The following DIAPH3 variants were observed in gnomAD, a reference collection of about 807,000 sequenced individuals.
DIAPH3 encodes the protein diaphanous related formin 3, also known as protein diaphanous homolog 3.
DIAPH3 carries 117 observed loss-of-function variants against 144.3 expected under a neutral mutation model. That is an observed-to-expected ratio of 0.81 (90% CI 0.70 to 0.95). The LOEUF is 0.95. DIAPH3 is among the 40% of genes least tolerant of loss of function. The pLI, the probability that DIAPH3 is intolerant of heterozygous loss-of-function variation, is 0.00. For missense variants in DIAPH3, 1,421 were observed against 1,412.7 expected, an observed-to-expected ratio of 1.01 and a Z score of -0.09; for synonymous variants, 519 against 488.9, an observed-to-expected ratio of 1.06 and a Z score of -0.81.
intron 4 of DIAPH3, among the ~76,000 whole-genome samples, chr13:60,056,792 G>A (rs529589772): frequency 2.0e-5 from 3 of 151,766 alleles, no homozygotes; most frequent in Admixed American, 2.0e-4. Flanking sequence ...TGGGGGAGTG[G>A]GAAGAGATAG....
At chr13:59,787,030 A>G (rs572870208) in intron 25 of DIAPH3, among the ~76,000 whole-genome samples, 1 of 152,246 alleles carries the variant, frequency 6.6e-6, no homozygotes, top group African/African-American at 2.4e-5. Context: ...GAGCCCAGGA[A>G]GTTGAGGCTG....
intron 27 of DIAPH3, among the ~76,000 whole-genome samples, chr13:59,764,459 G>A (rs1357775909): frequency 1.3e-5 from 2 of 151,508 alleles, no homozygotes; most frequent in Non-Finnish European, 2.9e-5. Flanking sequence ...CTGGGGCCCT[G>A]TGGTGTTGTG....
At chr13:60,131,546 A>G (rs946719779) in intron 2 of DIAPH3, among the ~76,000 whole-genome samples, 2 of 151,960 alleles carry the variant, frequency 1.3e-5, no homozygotes, top group African/African-American at 4.8e-5. Flanking sequence ...GAAAGACCAC[A>G]TACGATATGA....
chr13:59,850,718 C>G (rs956019372), intron 22 of DIAPH3, among the ~76,000 whole-genome samples: 2 of 151,882 alleles, frequency 1.3e-5, no homozygotes, highest in African/African-American at 4.8e-5. Flanking sequence ...CACAGAAATA[C>G]AAACTACCAT....
intron 24 of DIAPH3, among the ~76,000 whole-genome samples, chr13:59,826,355 A>G (rs1315596952): frequency 2.9e-4 from 40 of 135,994 alleles, no homozygotes; most frequent in African/African-American, 1.1e-3. Flanking sequence ...AAATCAATGT[A>G]CAAAAATCAC....
In DIAPH3 at chr13:60,134,802, C is replaced by T. The variant is rs1465409286; in HGVS notation, c.181-1813G>A. Among the ~76,000 whole-genome samples the T allele has an allele frequency of 2.6e-5, 4 of 152,014 alleles. No homozygotes were observed. In the East Asian group the frequency reaches 7.7e-4, roughly 29 times the overall value. The stretch of plus-strand genomic sequence containing the variant: ...AAAGCCAAAGAAATAAACTATAAAG[C>T]TGAAATCCTATTTAGGATGGTATGC... On this transcript the variant is annotated intron_variant, in intron 1 of 27. Transcript: ENST00000400324.
chr13:59,883,441 T>C (rs2045222095), intron 20 of DIAPH3, among the ~76,000 whole-genome samples: 1 of 152,164 alleles, frequency 6.6e-6, no homozygotes, highest in African/African-American at 2.4e-5. Context: ...GAAGGATTTA[T>C]TTTTTATTCT....
rs777154756 is a variant in DIAPH3, at chr13:59,672,446, C to T, written c.3320-5600G>A. On this transcript the variant is annotated intron_variant, in intron 27 of 27. Coordinates refer to ENST00000400324, the MANE Select transcript of DIAPH3 (RefSeq NM_001042517.2). ...GTGTTCCTGAAATTTGGTCTCTCCT[C>T]GCAATTCTTTACCTTTTGTTTTTAA... Among the ~76,000 whole-genome samples the T allele has an allele frequency of 5.9e-5, 9 of 152,286 alleles. No individual in the cohort carries two copies. The South Asian group carries it at 6.2e-4, about 11-fold the overall frequency.
chr13:59,986,930 A>G, intron 12 of DIAPH3, among the ~76,000 whole-genome samples: 1 of 150,092 alleles, frequency 6.7e-6, no homozygotes, highest in Non-Finnish European at 1.5e-5. Context: ...TTCCTCAGGG[A>G]TCTAGAACTA....
intron 3 of DIAPH3, among the ~76,000 whole-genome samples, chr13:60,095,027 T>C (rs1277858689): frequency 8.5e-6 from 1 of 118,258 alleles, no homozygotes; most frequent in Non-Finnish European, 1.8e-5. Context: ...TGGAAACTTC[T>C]GGAGGCATGT....
intron 22 of DIAPH3, among the ~76,000 whole-genome samples, chr13:59,847,966 C>A (rs2042743564): frequency 6.6e-6 from 1 of 152,210 alleles, no homozygotes; most frequent in Admixed American, 6.5e-5. Flanking sequence ...CTTGCCCCTA[C>A]ATCGCAGTAA....
At chr13:60,154,067 G>T (rs749887565) in intron 1 of DIAPH3, among the ~76,000 whole-genome samples, 16 of 152,076 alleles carry the variant, frequency 1.1e-4, no homozygotes, top group Non-Finnish European at 2.1e-4. Context: ...ACTAAGAACA[G>T]AATGGCTCTG....
At chr13:59,779,434 C>T (rs1169860302) in intron 25 of DIAPH3, among the ~76,000 whole-genome samples, 2 of 151,998 alleles carry the variant, frequency 1.3e-5, no homozygotes, top group Non-Finnish European at 2.9e-5. Context: ...TGGTAAATTA[C>T]AGGACATGTA....
chr13:60,021,126 T>G (rs940776533), intron 5 of DIAPH3: 9 of 152,178 alleles, frequency 5.9e-5, no homozygotes, highest in African/African-American at 2.2e-4. Flanking sequence ...CACCAAAAGA[T>G]CTGCACATCT....
At chr13:59,976,199 A>G (rs192388801) in intron 14 of DIAPH3, among the ~76,000 whole-genome samples, 130 of 151,990 alleles carry the variant, frequency 8.6e-4, no homozygotes, top group African/African-American at 2.9e-3. Flanking sequence ...TCATTTCATT[A>G]TCTATCACAC....
intron 21 of DIAPH3, among the ~76,000 whole-genome samples, chr13:59,878,043 A>G (rs919797194): frequency 3.3e-5 from 5 of 152,154 alleles, no homozygotes; most frequent in Admixed American, 1.3e-4. Context: ...ATCATAATTA[A>G]TGGTTTACAT....
rs557874246 is a variant in DIAPH3 at position 59,770,139 on chromosome 13, T to C, written c.3319+4050A>G. On this transcript the variant is annotated intron_variant, in intron 27 of 27. Transcript: ENST00000400324. Reference sequence around the variant, plus strand: ...GCTATGCATAGACCAAACAATCAAATATCTCCTTTTGATGATAGATAACTT... The same window carrying C: ...GCTATGCATAGACCAAACAATCAAACATCTCCTTTTGATGATAGATAACTT... Among the ~76,000 whole-genome samples the C allele has an allele frequency of 2.0e-5, 3 of 152,188 alleles. No individual in the cohort carries two copies. In the East Asian group the frequency reaches 5.8e-4, roughly 29 times the overall value.
intron 4 of DIAPH3, among the ~76,000 whole-genome samples, chr13:60,068,504 C>A (rs1019358226): frequency 5.5e-4 from 83 of 150,996 alleles, no homozygotes; most frequent in African/African-American, 1.9e-3. Flanking sequence ...TTTTTTATTC[C>A]AACATTTATT....
At chr13:59,914,276 G>A (rs745364323) in intron 19 of DIAPH3, among the ~76,000 whole-genome samples, 10 of 152,134 alleles carry the variant, frequency 6.6e-5, no homozygotes, top group South Asian at 2.1e-4. Flanking sequence ...GGAATTCTTC[G>A]CATTAAAATG....
Sources: allele counts gnomAD v4.1 joint callset (sites outside exome capture counted in the v4.1 genomes callset), GRCh38; gene constraint gnomAD v4.1.1; transcripts MANE v1.5; gene names NCBI Gene and HGNC (gene_info 2026-07-23, HGNC 2026-07-21).